SLC25A26: variants seen among roughly 807,000 people sequenced by gnomAD.
The protein encoded by SLC25A26 is mitochondrial S-adenosylmethionine carrier protein.
A neutral mutation model predicts 37.8 loss-of-function variants in SLC25A26; 36 were observed. The observed-to-expected ratio is 0.95, with a 90% CI of 0.73 to 1.26. SLC25A26 has a LOEUF of 1.26. Ranked by LOEUF, SLC25A26 falls within the 50% of genes most tolerant of loss-of-function variation. The pLI, the probability that SLC25A26 is intolerant of heterozygous loss-of-function variation, is 0.00. For synonymous variants in SLC25A26, 129 were observed against 122.5 expected (o/e 1.05, Z -0.35); for missense variants, 390 against 331.1 (o/e 1.18, Z -1.38).
intron 1 of SLC25A26, among the ~76,000 whole-genome samples, chr3:66,135,786 A>G (rs1335171504): frequency 6.6e-6 from 1 of 152,164 alleles, no homozygotes; most frequent in Non-Finnish European, 1.5e-5. Flanking sequence ...AAATAAAGTA[A>G]AAAGGTAAGT....
intron 5 of SLC25A26, among the ~76,000 whole-genome samples, chr3:66,285,446 A>G (rs947390685): frequency 6.7e-6 from 1 of 149,390 alleles, no homozygotes; most frequent in Non-Finnish European, 1.5e-5. Flanking sequence ...ACAGCTATCA[A>G]TTCTGAATCT....
chr3:66,304,535 C>G (rs2075163586), intron 5 of SLC25A26: 1 of 453,428 alleles, frequency 2.2e-6, no homozygotes, highest in African/African-American at 2.0e-5. Flanking sequence ...TGCTGTTATA[C>G]TGGTAAGCTC....
intron 5 of SLC25A26, among the ~76,000 whole-genome samples, chr3:66,330,535 A>G (rs759213781): frequency 4.6e-5 from 7 of 151,110 alleles, no homozygotes; most frequent in East Asian, 1.9e-4. Context: ...TGTGTATTCT[A>G]CCTCTGTTGT....
chr3:66,306,900 C>A (rs1034782101), intron 5 of SLC25A26, among the ~76,000 whole-genome samples: 1 of 152,180 alleles, frequency 6.6e-6, no homozygotes, highest in Non-Finnish European at 1.5e-5. Flanking sequence ...TTTATCCAGT[C>A]TATCATTGAT....
chr3:66,321,437 A>G (rs1231194695), intron 5 of SLC25A26, among the ~76,000 whole-genome samples: 1 of 152,114 alleles, frequency 6.6e-6, no homozygotes, highest in East Asian at 1.9e-4. Context: ...GCTAGTATGG[A>G]GTGCTGATAG....
chr3:66,204,722 G>C (rs2071155541), intron 1 of SLC25A26, among the ~76,000 whole-genome samples: 1 of 152,182 alleles, frequency 6.6e-6, no homozygotes, highest in Admixed American at 6.5e-5. Context: ...CACCAATTCT[G>C]ATTGCCGATG....
Position 66,356,340 on chromosome 3 carries a change from C to A in SLC25A26, c.499-6520C>A, listed in dbSNP as rs1028105072. On this transcript the variant is annotated intron_variant, in intron 6 of 9. Transcript: ENST00000354883. ...GGGTGGGGGTCGGGGAGCCAAACTA[C>A]TTCATGCTATTCTTCCTCTGATAGG... 2.0e-5 allele frequency among the ~76,000 whole-genome samples: 3 copies of A among 152,132 alleles called. No homozygotes were observed. In the South Asian group the frequency reaches 6.2e-4, roughly 31 times the overall value.
intron 3 of SLC25A26, among the ~76,000 whole-genome samples, chr3:66,247,603 C>G (rs1233075796): frequency 2.0e-5 from 3 of 152,146 alleles, no homozygotes; most frequent in Admixed American, 2.0e-4. Flanking sequence ...AGACACTGCA[C>G]CCTGCCAATA....
chr3:66,295,514 G>A (rs966589309), intron 5 of SLC25A26, among the ~76,000 whole-genome samples: 2 of 149,998 alleles, frequency 1.3e-5, no homozygotes, highest in Non-Finnish European at 2.9e-5. Context: ...CCATTCTTCT[G>A]CCTCAGCCTC....
At chr3:66,194,999 G>C (rs2071020705) in intron 1 of SLC25A26, among the ~76,000 whole-genome samples, 1 of 152,200 alleles carries the variant, frequency 6.6e-6, no homozygotes, top group Admixed American at 6.5e-5. Flanking sequence ...GGAAGGGAGG[G>C]AGGTGAAACA....
chr3:66,330,573 C>G (rs2075949856), intron 5 of SLC25A26, among the ~76,000 whole-genome samples: 1 of 149,898 alleles, frequency 6.7e-6, no homozygotes, highest in Non-Finnish European at 1.5e-5. Flanking sequence ...CTAACTTGTG[C>G]CTTGAGATAT....
chr3:66,141,989 A>T (rs939862627), intron 1 of SLC25A26, among the ~76,000 whole-genome samples: 5 of 152,234 alleles, frequency 3.3e-5, no homozygotes, highest in Non-Finnish European at 7.3e-5. Context: ...TTAAATTGAG[A>T]TGAAACTTGC....
chr3:66,366,701 T>A (rs927269426), intron 7 of SLC25A26, among the ~76,000 whole-genome samples: 19 of 152,352 alleles, frequency 1.2e-4, no homozygotes, highest in Admixed American at 9.1e-4. Context: ...CCTTTAGGTC[T>A]TTTTAATTGG....
intron 1 of SLC25A26, among the ~76,000 whole-genome samples, chr3:66,181,337 A>T (rs2070701935): frequency 6.6e-6 from 1 of 152,188 alleles, no homozygotes; most frequent in East Asian, 1.9e-4. Flanking sequence ...ACCTCCAGCA[A>T]ATTACTTTGT....
intron 5 of SLC25A26, among the ~76,000 whole-genome samples, chr3:66,320,354 G>A (rs768726527): frequency 5.3e-5 from 8 of 152,058 alleles, no homozygotes; most frequent in Non-Finnish European, 1.0e-4. Context: ...AGTGGACCAT[G>A]TGATATTTGT....
intron 1 of SLC25A26, among the ~76,000 whole-genome samples, chr3:66,197,910 G>T (rs1653733601): frequency 6.6e-6 from 1 of 152,082 alleles, no homozygotes; most frequent in Non-Finnish European, 1.5e-5. Flanking sequence ...TCAGCATGAG[G>T]ATCAGAGGAA....
chr3:66,217,927 G>A (rs967825751), upstream of SLC25A26, among the ~76,000 whole-genome samples: 25 of 152,126 alleles, frequency 1.6e-4, no homozygotes, highest in African/African-American at 3.6e-4. Flanking sequence ...ACACCCATGC[G>A]ACTACTACCA....
chr3:66,369,638 T>C, intron 8 of SLC25A26, 96 bp downstream of exon 8: 1 of 1,069,358 alleles, frequency 9.4e-7, no homozygotes. Context: ...ATGGCTACCA[T>C]TTACCTGTAA....
At chr3:66,220,562 T>C (rs2106860859), upstream of SLC25A26, among the ~76,000 whole-genome samples, 1 of 152,340 alleles carries the variant, frequency 6.6e-6, no homozygotes, top group South Asian at 2.1e-4. Flanking sequence ...TATATCTTTA[T>C]TTAATAATCT....
Sources: allele counts gnomAD v4.1 joint callset (sites outside exome capture counted in the v4.1 genomes callset), GRCh38; gene constraint gnomAD v4.1.1; transcripts MANE v1.5; gene names NCBI Gene and HGNC (gene_info 2026-07-23, HGNC 2026-07-21).